FILIP1: variants seen among roughly 807,000 people sequenced by gnomAD.
FILIP1 encodes the protein filamin A interacting protein 1, also known as filamin-A-interacting protein 1.
A neutral mutation model predicts 102.1 loss-of-function variants in FILIP1; 61 were observed. The observed-to-expected ratio is 0.60, with a 90% CI of 0.49 to 0.74. The LOEUF (loss-of-function observed/expected upper bound fraction) is 0.74. Ranked by LOEUF, FILIP1 falls within the 30% of genes least tolerant of loss-of-function variation. The pLI is 0.00. For synonymous variants in FILIP1, 491 were observed against 526.9 expected (o/e 0.93, Z 0.93); for missense variants, 1,314 against 1,441.2 (o/e 0.91, Z 1.43).
chr6:75,399,459 A>T (rs1265067578), intron 2 of FILIP1, among the ~76,000 whole-genome samples: 1 of 152,200 alleles, frequency 6.6e-6, no homozygotes, highest in Non-Finnish European at 1.5e-5. Context: ...CTACCATACA[A>T]TAGGCCATTA....
At chr6:75,392,718 T>TC (rs1456888645) in intron 2 of FILIP1, among the ~76,000 whole-genome samples, 1 of 152,116 alleles carries the variant, frequency 6.6e-6, no homozygotes. Context: ...CTCCCATAAT[T>TC]CCCATGTGTT....
chr6:75,464,712 T>C (rs182552683), intron 1 of FILIP1, among the ~76,000 whole-genome samples: 1 of 152,306 alleles, frequency 6.6e-6, no homozygotes, highest in African/African-American at 2.4e-5. Flanking sequence ...CAGCAACTCA[T>C]TCAACTCTTC....
chr6:75,425,696 C>T (rs1037755413), intron 1 of FILIP1, among the ~76,000 whole-genome samples: 1 of 152,136 alleles, frequency 6.6e-6, no homozygotes, highest in African/African-American at 2.4e-5. Flanking sequence ...ACTTAACTCT[C>T]CAACCCACAG....
chr6:75,404,475 T>C (rs941684520), intron 2 of FILIP1, among the ~76,000 whole-genome samples: 35 of 152,102 alleles, frequency 2.3e-4, no homozygotes, highest in Admixed American at 5.2e-4. Flanking sequence ...AAAATATGTA[T>C]CCTCCTTTAC....
At chr6:75,392,805 G>C (rs960414240) in intron 2 of FILIP1, among the ~76,000 whole-genome samples, 1 of 152,120 alleles carries the variant, frequency 6.6e-6, no homozygotes, top group African/African-American at 2.4e-5. Context: ...TAGTGAATGG[G>C]TCTCACGAGA....
At chr6:75,490,182 C>T (rs1054557177) in intron 1 of FILIP1, among the ~76,000 whole-genome samples, 9 of 152,012 alleles carry the variant, frequency 5.9e-5, no homozygotes, top group Non-Finnish European at 8.8e-5. Context: ...ACAAGGAAAC[C>T]GGTGCTTAAT....
At chr6:75,474,603 C>A (rs1779421040) in intron 1 of FILIP1, among the ~76,000 whole-genome samples, 1 of 152,126 alleles carries the variant, frequency 6.6e-6, no homozygotes, top group Admixed American at 6.5e-5. Flanking sequence ...GGGAGGTCTG[C>A]AGTTGACATG....
At chr6:75,459,727 G>A (rs1198604008) in intron 1 of FILIP1, among the ~76,000 whole-genome samples, 4 of 152,134 alleles carry the variant, frequency 2.6e-5, no homozygotes, top group Non-Finnish European at 5.9e-5. Context: ...TGATTTAACA[G>A]GGATGCATTT....
intron 1 of FILIP1, among the ~76,000 whole-genome samples, chr6:75,474,297 C>G (rs574536303): frequency 6.6e-6 from 1 of 152,264 alleles, no homozygotes; most frequent in East Asian, 1.9e-4. Context: ...TCAAATCTCA[C>G]CTTTCCTTGG....
In FILIP1 at chr6:75,312,618, C is replaced by T; in HGVS notation, c.3214G>A (p.Gly1072Arg). 1 of 1,614,112 alleles carries T rather than the reference C, an allele frequency of 6.2e-7. No homozygotes were observed. The highest frequency in any genetic ancestry group is 1.6e-4 in the Middle Eastern group (1 of 6,062). ...TEDNKIHIHL[G>R]SQFKRSPGTS... is the part of the protein sequence containing the mutation. ...CCAGGGGACCGTTTAAACTGAGACC[C>T]TAAGTGAATGTGAATTTTATTGTCC... The change falls in exon 5 of 6, where the codon GGG becomes AGG. Residue 1072 changes from glycine (G) to arginine (R), a missense_variant. By Grantham distance (125) the Gly-to-Arg change is moderately radical (BLOSUM62 -2). Coordinates refer to ENST00000237172, the MANE Select transcript of FILIP1 (RefSeq NM_015687.5).
chr6:75,304,711 A>G (rs191418063), downstream of FILIP1, among the ~76,000 whole-genome samples: 11 of 152,350 alleles, frequency 7.2e-5, no homozygotes, highest in African/African-American at 2.4e-4. Flanking sequence ...CTAGAAATAG[A>G]AAGTCACACT....
intron 4 of FILIP1, among the ~76,000 whole-genome samples, chr6:75,316,119 T>G (rs1371033124): frequency 6.6e-6 from 1 of 152,242 alleles, no homozygotes; most frequent in Non-Finnish European, 1.5e-5. Context: ...ATACATTTTC[T>G]CTATGGCATT....
At chr6:75,441,137 C>T (rs1459569175) in intron 1 of FILIP1, among the ~76,000 whole-genome samples, 54 of 151,648 alleles carry the variant, frequency 3.6e-4, no homozygotes, top group African/African-American at 1.3e-3. Flanking sequence ...CGGCCTTCCG[C>T]GGTGTTTGTG....
At chr6:75,435,451 T>C (rs1777987396) in intron 1 of FILIP1, among the ~76,000 whole-genome samples, 1 of 152,250 alleles carries the variant, frequency 6.6e-6, no homozygotes, top group Non-Finnish European at 1.5e-5. Flanking sequence ...AATTAAATCA[T>C]GTTTGATTCG....
chr6:75,476,039 G>A lies in FILIP1; in HGVS notation c.-7+17375C>T, dbSNP rs1381871062. On this transcript the variant is annotated intron_variant, in intron 1 of 5. Transcript: ENST00000237172. ...GAGGTTCACTTGAGGTTAGGAGTTCGAGACCAGCCTGGCCAACATGGCAAA... is the reference window on the plus strand; with the variant it reads ...GAGGTTCACTTGAGGTTAGGAGTTCAAGACCAGCCTGGCCAACATGGCAAA... Among the ~76,000 whole-genome samples the A allele has an allele frequency of 6.6e-5, 10 of 152,092 alleles. No homozygotes were observed. The East Asian group carries it at 7.7e-4, about 12-fold the overall frequency.
intron 4 of FILIP1, among the ~76,000 whole-genome samples, chr6:75,341,153 T>C (rs1360981071): frequency 2.7e-5 from 2 of 73,388 alleles, no homozygotes; most frequent in African/African-American, 7.1e-5. Flanking sequence ...AGGGTTTTTG[T>C]TTTGTTTTTT....
At chr6:75,379,190 T>C (rs1442227771) in intron 2 of FILIP1, among the ~76,000 whole-genome samples, 1 of 152,204 alleles carries the variant, frequency 6.6e-6, no homozygotes, top group Admixed American at 6.5e-5. Context: ...CTACCAAGGA[T>C]ATACAGTTGA....
At chr6:75,416,701 C>T (rs959672059) in intron 1 of FILIP1, among the ~76,000 whole-genome samples, 2 of 151,978 alleles carry the variant, frequency 1.3e-5, no homozygotes, top group African/African-American at 4.8e-5. Context: ...TTCTGTACGA[C>T]TTCATACCAC....
chr6:75,394,240 A>G (rs78684052), intron 2 of FILIP1, among the ~76,000 whole-genome samples: 1,840 of 152,234 alleles, frequency 0.012, 93 homozygotes, highest in Admixed American at 0.089. Flanking sequence ...CCTGACTCTT[A>G]TGAACAGCCA....
Sources: gnomAD v4.1 joint callset for allele counts (sites outside exome capture counted in the v4.1 genomes callset) on GRCh38, gnomAD v4.1.1 for gene constraint, MANE v1.5 for transcripts, NCBI Gene and HGNC (gene_info 2026-07-23, HGNC 2026-07-21) for gene names.